HDAC4: variants seen among roughly 807,000 people sequenced by gnomAD.
HDAC4 encodes histone deacetylase 4.
A neutral mutation model predicts 135.1 loss-of-function variants in HDAC4; 16 were observed. The observed-to-expected ratio is 0.12, with a 90% CI of 0.08 to 0.18. The LOEUF is 0.18. Among genes scored for constraint, HDAC4 ranks in the 10% least tolerant of loss-of-function variants. HDAC4 has a pLI of 1.00. For synonymous variants in HDAC4, 685 were observed against 653.4 expected, an observed-to-expected ratio of 1.05 and a Z score of -0.74; for missense variants, 1,143 against 1,511.8, an observed-to-expected ratio of 0.76 and a Z score of 4.05.
At chr2:239,212,262 C>T (rs2046386416) in intron 3 of HDAC4, among the ~76,000 whole-genome samples, 1 of 152,086 alleles carries the variant, frequency 6.6e-6, no homozygotes, top group African/African-American at 2.4e-5. Flanking sequence ...TTTCTACCCA[C>T]GGCCTCCTGG....
chr2:239,065,271 C>T (rs371097895), intron 24 of HDAC4, among the ~76,000 whole-genome samples: 4 of 152,358 alleles, frequency 2.6e-5, no homozygotes, highest in African/African-American at 7.2e-5. Flanking sequence ...GTGTGACCGC[C>T]TGTCTGGTGA....
intron 3 of HDAC4, among the ~76,000 whole-genome samples, chr2:239,213,539 G>A (rs978859381): frequency 1.3e-5 from 2 of 152,182 alleles, no homozygotes; most frequent in Admixed American, 6.5e-5. Context: ...CCCATCTATT[G>A]TCTATCCCCA....
At chr2:239,089,404 C>T (rs1341221822) in intron 18 of HDAC4, among the ~76,000 whole-genome samples, 18 of 152,144 alleles carry the variant, frequency 1.2e-4, no homozygotes, top group Non-Finnish European at 2.2e-4. Context: ...CTCGGCTCGC[C>T]GCAACCTCCA....
intron 15 of HDAC4, among the ~76,000 whole-genome samples, chr2:239,107,120 A>G (rs2038215896): frequency 6.6e-6 from 1 of 152,204 alleles, no homozygotes; most frequent in African/African-American, 2.4e-5. Flanking sequence ...CGCTATCAGC[A>G]GGGCCTGGCC....
At chr2:239,196,809 A>T (rs1475397639) in intron 3 of HDAC4, among the ~76,000 whole-genome samples, 1 of 152,168 alleles carries the variant, frequency 6.6e-6, no homozygotes, top group Non-Finnish European at 1.5e-5. Flanking sequence ...GAATCGAGGC[A>T]GTGGGGCAAG....
At chr2:239,366,729 C>G (rs1403709770) in intron 1 of HDAC4, among the ~76,000 whole-genome samples, 2 of 152,172 alleles carry the variant, frequency 1.3e-5, no homozygotes, top group East Asian at 3.9e-4. Flanking sequence ...TTAACATCAA[C>G]TGCCATGAAC....
intron 2 of HDAC4, among the ~76,000 whole-genome samples, chr2:239,312,523 T>C (rs937908698): frequency 1.3e-5 from 2 of 152,140 alleles, no homozygotes; most frequent in African/African-American, 4.8e-5. Flanking sequence ...ACGAGGAAAA[T>C]GTCCCCGACT....
At chr2:239,122,757 CTTTCTT>C (rs1363504848) in intron 12 of HDAC4, among the ~76,000 whole-genome samples, 2 of 152,336 alleles carry the variant, frequency 1.3e-5, no homozygotes, top group South Asian at 2.1e-4. Context: ...GGCCGCCTCT[CTTTCTT>C]TTTTATTCAC....
rs1405973170 is a variant in HDAC4, at chr2:239,167,483, C to G, written c.491-3560G>C. ...CCATGCCCAGCATAGGCCTGGCCAG[C>G]AGGAAACACGAGGAAGGTAAGTCTT... On this transcript the variant is annotated intron_variant, in intron 5 of 26. Coordinates refer to ENST00000543185, the MANE Select transcript of HDAC4 (RefSeq NM_001378414.1). This position sits in a 1 kb window ranked among gnomAD's most constrained non-coding sequence, Gnocchi z 4.1. Among the ~76,000 whole-genome samples the G allele has an allele frequency of 1.3e-5, 2 of 152,170 alleles. No individual in the cohort carries two copies. The highest frequency in any genetic ancestry group is 4.8e-5 in the African/African-American group (2 of 41,452).
intron 12 of HDAC4, among the ~76,000 whole-genome samples, 172 bp downstream of exon 12, chr2:239,126,278 TCTGCCC>T (rs1411678689): frequency 2.0e-5 from 3 of 152,234 alleles, no homozygotes; most frequent in Non-Finnish European, 2.9e-5. Flanking sequence ...CAGCATCCCT[TCTGCCC>T]CTGCCCCTGC....
chr2:239,230,909 C>T (rs140272912), intron 3 of HDAC4, among the ~76,000 whole-genome samples: 1 of 152,336 alleles, frequency 6.6e-6, no homozygotes, highest in Non-Finnish European at 1.5e-5. Flanking sequence ...ATCTAGGAGG[C>T]AGCATGAGCT....
chr2:239,358,741 A>G (rs1455214245), intron 1 of HDAC4, among the ~76,000 whole-genome samples: 5 of 152,178 alleles, frequency 3.3e-5, no homozygotes, highest in African/African-American at 1.2e-4. Context: ...TATCTTTCTA[A>G]CAGTGGGAAA....
rs959788062 is a variant in HDAC4 at position 239,115,572 on chromosome 2, T to A, written c.1534-262A>T. ...CCAGGGAAGGAGGCTGACTAACATT[T>A]GGGGTTTACTAAGCACCTCTTCTGT... On this transcript the variant is annotated intron_variant, in intron 12 of 26. Coordinates refer to ENST00000543185, the MANE Select transcript of HDAC4 (RefSeq NM_001378414.1). This position sits in a 1 kb window ranked among gnomAD's most constrained non-coding sequence, Gnocchi z 6.3. Among the ~76,000 whole-genome samples, 2 of 151,656 alleles carry A rather than the reference T, an allele frequency of 1.3e-5. No individual in the cohort carries two copies. Among genetic ancestry groups the A allele is most frequent in the Non-Finnish European group, 2.9e-5 (2 of 67,886 alleles).
intron 1 of HDAC4, among the ~76,000 whole-genome samples, chr2:239,379,868 C>A (rs1371874062): frequency 6.6e-6 from 1 of 152,224 alleles, no homozygotes; most frequent in Non-Finnish European, 1.5e-5. Context: ...CCAAGCCAGG[C>A]TCAGCACCTG....
chr2:239,199,709 G>A (rs886882257), intron 3 of HDAC4, among the ~76,000 whole-genome samples: 5 of 150,870 alleles, frequency 3.3e-5, no homozygotes, highest in African/African-American at 4.9e-5. Context: ...TCTGCTACCA[G>A]ATGCTTTGGG....
At chr2:239,195,527 G>A (rs529133460) in intron 3 of HDAC4, among the ~76,000 whole-genome samples, 6 of 152,310 alleles carry the variant, frequency 3.9e-5, no homozygotes, top group East Asian at 3.9e-4. Context: ...TCGCATTCAC[G>A]CATTCGTGCG....
At chr2:239,172,402 T>G (rs2043511664) in intron 5 of HDAC4, among the ~76,000 whole-genome samples, 1 of 151,690 alleles carries the variant, frequency 6.6e-6, no homozygotes, top group African/African-American at 2.4e-5. Flanking sequence ...ATGATAGATT[T>G]AAGCATAAAT....
At chr2:239,377,622 G>A (rs961319874) in intron 1 of HDAC4, among the ~76,000 whole-genome samples, 33 of 152,218 alleles carry the variant, frequency 2.2e-4, no homozygotes, top group Non-Finnish European at 1.9e-4. Flanking sequence ...TGGAGCAGCC[G>A]AGGTGCGGGC....
chr2:239,389,198 C>T (rs1047798127), intron 1 of HDAC4, among the ~76,000 whole-genome samples: 13 of 152,144 alleles, frequency 8.5e-5, no homozygotes, highest in Middle Eastern at 3.2e-3. Flanking sequence ...ATCAGTAGGA[C>T]GTGGGTGGGG....
Sources: allele counts gnomAD v4.1 joint callset (sites outside exome capture counted in the v4.1 genomes callset), GRCh38; gene constraint gnomAD v4.1.1; non-coding constraint Gnocchi (gnomAD v3.1); transcripts MANE v1.5; gene names NCBI Gene and HGNC (gene_info 2026-07-23, HGNC 2026-07-21).